CRYBG1: variants seen among roughly 807,000 people sequenced by gnomAD.
CRYBG1 encodes crystallin beta-gamma domain containing 1, also known as beta/gamma crystallin domain-containing protein 1.
A neutral mutation model predicts 189.2 loss-of-function variants in CRYBG1; 139 were observed. The observed-to-expected ratio is 0.73, with a 90% CI of 0.64 to 0.85. CRYBG1 has a LOEUF of 0.85. Ranked by LOEUF, CRYBG1 falls within the 40% of genes least tolerant of loss-of-function variation. CRYBG1 has a pLI of 0.00. For synonymous variants in CRYBG1, 1,023 were observed against 1,017.1 expected (o/e 1.01, Z -0.11); for missense variants, 2,611 against 2,675.8 (o/e 0.98, Z 0.53).
chr6:106,463,574 A>C (rs936173327), intron 2 of CRYBG1, among the ~76,000 whole-genome samples: 6 of 152,244 alleles, frequency 3.9e-5, no homozygotes, highest in Non-Finnish European at 8.8e-5. Context: ...GTATGTGTAT[A>C]GATATGTGTG....
rs77236093 is a variant in CRYBG1 at position 106,560,747 on chromosome 6, T to C, written c.5856-56T>C. ...GAAAGCATTCTAAAAATAAATGTAA[T>C]TGGGGTCCACTGTCAAATGAAAATT... On this transcript the variant is annotated intron_variant, in intron 18 of 21. Coordinates refer to ENST00000633556, the MANE Select transcript of CRYBG1 (RefSeq NM_001371242.2). 3,167 of 1,567,874 alleles carry C rather than the reference T, an allele frequency of 2.0e-3. 59 individuals are homozygous for C. In the African/African-American group the frequency reaches 0.037, roughly 18 times the overall value.
At chr6:106,366,085 C>T (rs1466827602) in intron 1 of CRYBG1, among the ~76,000 whole-genome samples, 1 of 152,114 alleles carries the variant, frequency 6.6e-6, no homozygotes, top group Non-Finnish European at 1.5e-5. Context: ...AGAAAAAGAA[C>T]AATCATTTAA....
At chr6:106,460,546 T>G (rs1251499920) in intron 2 of CRYBG1, among the ~76,000 whole-genome samples, 1 of 151,758 alleles carries the variant, frequency 6.6e-6, no homozygotes, top group Non-Finnish European at 1.5e-5. Context: ...TGTGTGTTTA[T>G]GGGGGTGGGG....
At chr6:106,483,356 T>TTGTGTGTGTGTGTG (rs367865745) in intron 2 of CRYBG1, among the ~76,000 whole-genome samples, 27 of 132,218 alleles carry the variant, frequency 2.0e-4, no homozygotes, top group African/African-American at 6.6e-4. Context: ...TAGTATTCCA[T>TTGTGTGTGTGTGTG]TGTGTGTGTG....
At chr6:106,405,562 G>T (rs546902709) in intron 1 of CRYBG1, among the ~76,000 whole-genome samples, 1 of 152,202 alleles carries the variant, frequency 6.6e-6, no homozygotes, top group Non-Finnish European at 1.5e-5. Context: ...CCTCAAGTGG[G>T]TCCCTGACCC....
At position 106,512,620 on chromosome 6, in the gene CRYBG1, C is replaced by A; in HGVS notation, c.1503C>A (p.Asp501Glu). Residue 501 changes from aspartate (D) to glutamate (E), a missense_variant, in exon 3 of 22, where the codon GAC becomes GAA. Coordinates refer to ENST00000633556, the MANE Select transcript of CRYBG1 (RefSeq NM_001371242.2). ...AAGGGCAGCTCCGAGGGGAGTCGGA[C>A]CGGAGCAAACAGCCACCCCCGGCTT... The part of the protein sequence containing the change: ...GTKGQLRGES[D>E]RSKQPPPASS... The A allele has an allele frequency of 6.3e-7, 1 of 1,599,202 alleles. No homozygotes were observed.
At chr6:106,494,174 T>C (rs1381105358) in intron 2 of CRYBG1, among the ~76,000 whole-genome samples, 6 of 150,996 alleles carry the variant, frequency 4.0e-5, no homozygotes, top group African/African-American at 1.5e-4. Context: ...CCTAAAGTAG[T>C]CAAACTCAGA....
chr6:106,501,328 TA>T (rs1346100216), intron 2 of CRYBG1, among the ~76,000 whole-genome samples: 1 of 152,098 alleles, frequency 6.6e-6, no homozygotes, highest in African/African-American at 2.4e-5. Context: ...AAAAAGAGAT[TA>T]AAAAAAGAGT....
chr6:106,542,283 G>GTTTTT (rs35839968), intron 10 of CRYBG1, among the ~76,000 whole-genome samples: 1 of 113,124 alleles, frequency 8.8e-6, no homozygotes, highest in African/African-American at 3.4e-5. Flanking sequence ...ATTATTTAGG[G>GTTTTT]TTTTTTTTTT....
rs1017984889 is a variant in CRYBG1 at position 106,380,130 on chromosome 6, T to C, written c.173+19049T>C. On this transcript the variant is annotated intron_variant, in intron 1 of 21. Coordinates refer to ENST00000633556, the MANE Select transcript of CRYBG1 (RefSeq NM_001371242.2). ...TTTCAAAAAAGAAAAACCCCAGAAG[T>C]TGTCACCCCACAAGACACCTTTCTG... is the stretch of plus-strand genomic sequence containing the variant. Among the ~76,000 whole-genome samples the C allele has an allele frequency of 3.9e-5, 6 of 152,218 alleles. No homozygotes were observed. The East Asian group carries it at 7.8e-4, about 20-fold the overall frequency.
At chr6:106,376,123 A>G (rs79960340) in intron 1 of CRYBG1, among the ~76,000 whole-genome samples, 4,101 of 152,300 alleles carry the variant, frequency 0.027, 183 homozygotes, top group African/African-American at 0.093. Context: ...CTCACTATTT[A>G]TGGATAACAC....
At chr6:106,517,305 C>T (rs1084698) in intron 3 of CRYBG1, among the ~76,000 whole-genome samples, 49,474 of 141,000 alleles carry the variant, frequency 0.35, 9,462 homozygotes, top group African/African-American at 0.45. Flanking sequence ...TATATATATA[C>T]ACACACACAC....
intron 1 of CRYBG1, among the ~76,000 whole-genome samples, chr6:106,377,621 TTATATATATATATA>T (rs373644273): frequency 4.3e-5 from 3 of 69,496 alleles, no homozygotes; most frequent in East Asian, 3.9e-4. Flanking sequence ...TCCTAAGGTT[TTATATATATATATA>T]TATATATATA....
chr6:106,485,368 T>C (rs2114486163), intron 2 of CRYBG1, among the ~76,000 whole-genome samples: 1 of 152,366 alleles, frequency 6.6e-6, no homozygotes, highest in Non-Finnish European at 1.5e-5. Context: ...ATGACTTTAC[T>C]GAATTAGATA....
At chr6:106,452,756 G>A (rs2114439794) in intron 2 of CRYBG1, among the ~76,000 whole-genome samples, 1 of 152,288 alleles carries the variant, frequency 6.6e-6, no homozygotes, top group South Asian at 2.1e-4. Flanking sequence ...GGGAGATAGA[G>A]AAATGTACTC....
In CRYBG1 at chr6:106,437,666, G is replaced by A. The variant is rs570538904; in HGVS notation, c.174-14028G>A. On this transcript the variant is annotated intron_variant, in intron 1 of 21. Coordinates refer to ENST00000633556, the MANE Select transcript of CRYBG1 (RefSeq NM_001371242.2). ...TGCCCAGGCCGGTTTTGAACTCTTGGGCTCAATTGATCCTCCTGCCTTGGC... is the reference window on the plus strand; with the variant it reads ...TGCCCAGGCCGGTTTTGAACTCTTGAGCTCAATTGATCCTCCTGCCTTGGC... Among the ~76,000 whole-genome samples, 38 of 152,192 alleles carry A rather than the reference G, an allele frequency of 2.5e-4. No homozygotes were observed. The East Asian group carries it at 4.6e-3, about 19-fold the overall frequency.
intron 1 of CRYBG1, among the ~76,000 whole-genome samples, chr6:106,400,384 C>T (rs979656206): frequency 2.6e-5 from 4 of 152,002 alleles, no homozygotes; most frequent in Non-Finnish European, 4.4e-5. Context: ...TTTTCTTTAT[C>T]TTTAATATTA....
At chr6:106,517,363 CATATAT>C (rs1208831549) in intron 3 of CRYBG1, among the ~76,000 whole-genome samples, 2 of 69,984 alleles carry the variant, frequency 2.9e-5, no homozygotes, top group Non-Finnish European at 3.2e-5. Flanking sequence ...TATATATACA[CATATAT>C]ACACACACAC....
chr6:106,476,102 C>A (rs9400012), intron 2 of CRYBG1, among the ~76,000 whole-genome samples: 30,414 of 152,012 alleles, frequency 0.2, 4,308 homozygotes, highest in African/African-American at 0.38. Context: ...AAAGATAAGC[C>A]CCACCTAACT....
Sources: gnomAD v4.1 joint callset for allele counts (sites outside exome capture counted in the v4.1 genomes callset) on GRCh38, gnomAD v4.1.1 for gene constraint, MANE v1.5 for transcripts, NCBI Gene and HGNC (gene_info 2026-07-23, HGNC 2026-07-21) for gene names.